PRRC2C: variants seen among roughly 807,000 people sequenced by gnomAD.
PRRC2C encodes proline rich coiled-coil 2C, also known as protein PRRC2C.
Under a neutral mutation model 317.2 loss-of-function variants are expected in PRRC2C, and 72 were observed. The observed-to-expected ratio is 0.23, with a 90% CI of 0.19 to 0.28. PRRC2C has a LOEUF of 0.28. Ranked by LOEUF, PRRC2C falls within the 10% of genes least tolerant of loss-of-function variation. The pLI is 1.00. For synonymous variants in PRRC2C, 1,296 were observed against 1,205.9 expected, an observed-to-expected ratio of 1.07 and a Z score of -1.55; for missense variants, 3,074 against 3,459.7, an observed-to-expected ratio of 0.89 and a Z score of 2.80.
In PRRC2C at chr1:171,579,423, C is replaced by T; in HGVS notation, c.7229C>T (p.Pro2410Leu). 1 of 1,613,878 alleles carries T rather than the reference C, an allele frequency of 6.2e-7. No homozygotes were observed. The highest frequency in any genetic ancestry group is 8.5e-7 in the Non-Finnish European group (1 of 1,179,868). Reference protein sequence around the residue: ...FNTQHARLAPPSLAQQQGFQP... With the variant: ...FNTQHARLAPLSLAQQQGFQP... ...ACCCAACATGCACGATTGGCTCCGC[C>T]ATCCTTGGCTCAACAACAGGGTTTC... Residue 2410 changes from proline to leucine, a missense_variant, in exon 27 of 35, where the codon CCA (proline) becomes CTA (leucine). By Grantham distance (98) the Pro-to-Leu change is moderately conservative. Transcript: ENST00000647382.
chr1:171,529,332 A>G (rs918523672), intron 11 of PRRC2C, among the ~76,000 whole-genome samples: 18 of 152,258 alleles, frequency 1.2e-4, no homozygotes, highest in African/African-American at 3.9e-4. Flanking sequence ...ATATTCAACA[A>G]TCAACTCAAC....
chr1:171,499,973 C>T (rs897370395), intron 1 of PRRC2C, among the ~76,000 whole-genome samples: 4 of 152,148 alleles, frequency 2.6e-5, no homozygotes, highest in Admixed American at 2.0e-4. Flanking sequence ...CACATTATTT[C>T]CTGATTTACA....
chr1:171,533,483 T>G (rs1183493511), intron 12 of PRRC2C, among the ~76,000 whole-genome samples: 1 of 152,198 alleles, frequency 6.6e-6, no homozygotes, highest in African/African-American at 2.4e-5. Context: ...AAAATAAAAT[T>G]CTTTTTCTAG....
intron 25 of PRRC2C, among the ~76,000 whole-genome samples, chr1:171,575,625 G>C (rs1343816782): frequency 1.3e-5 from 2 of 152,156 alleles, no homozygotes; most frequent in Admixed American, 6.5e-5. Context: ...CCCAAAGTTA[G>C]AAGGTGCTTT....
At position 171,592,675 on chromosome 1, in the gene PRRC2C, T is replaced by A. The variant is rs2102919357; in HGVS notation, c.*828T>A. ...TCTTCCTTGCCCCCACTCAGTCATC[T>A]TTGTATGAATCCCATGATTTGGGGG... On this transcript the variant is annotated 3_prime_UTR_variant, in exon 35 of 35. Coordinates refer to ENST00000647382, the MANE Select transcript of PRRC2C (RefSeq NM_001387844.1). 1 of 152,352 alleles carries A rather than the reference T, an allele frequency of 6.6e-6. No homozygotes were observed. The highest frequency in any genetic ancestry group is 2.1e-4 in the South Asian group (1 of 4,828). The allele number at this position is 152,352 out of a possible 1,614,324, so 9.4% of individuals were successfully genotyped here.
rs533741796 is a variant in PRRC2C, at chr1:171,547,087, G to C, written c.4972+1400G>C. 3.3e-5 allele frequency among the ~76,000 whole-genome samples: 5 copies of C among 152,190 alleles called. No homozygotes were observed. The South Asian group carries it at 1.0e-3, about 32-fold the overall frequency. ...AAAAATACAAAATTAGCCAGGCATGGTGGTGCATGCCTGTAAAAACAAAAC... is the reference window on the plus strand; with the variant it reads ...AAAAATACAAAATTAGCCAGGCATGCTGGTGCATGCCTGTAAAAACAAAAC... On this transcript the variant is annotated intron_variant, in intron 17 of 34. Coordinates refer to ENST00000647382, the MANE Select transcript of PRRC2C (RefSeq NM_001387844.1).
Position 171,541,510 on chromosome 1 carries a change from A to G in PRRC2C, c.4044A>G (p.Gly1348=), listed in dbSNP as rs762770861. The G allele has an allele frequency of 4.3e-6, 7 of 1,613,476 alleles. No homozygotes were observed. Among genetic ancestry groups the G allele is most frequent in the African/African-American group, 2.7e-5 (2 of 74,890 alleles). ...AGCCTACAAGGAGAGGCAGAGGGGG[A>G]ACATTCAGGCGTGGTGGAAGGGATC... The part of the protein sequence containing the change: ...KGEPTRRGRG[G]TFRRGGRDPG... The change falls in exon 16 of 35, where the codon GGA becomes GGG. Residue 1348 remains glycine (G), a synonymous_variant. Transcript: ENST00000647382. The surrounding 1 kb of genome is among the most constrained non-coding windows in gnomAD (Gnocchi z 4.1).
intron 1 of PRRC2C, among the ~76,000 whole-genome samples, chr1:171,489,734 G>A (rs377154748): frequency 3.9e-5 from 6 of 152,278 alleles, no homozygotes; most frequent in South Asian, 2.1e-4. Flanking sequence ...TTAAGTGGTA[G>A]AAATGGCATT....
rs1572071637 is a variant in PRRC2C at position 171,571,178 on chromosome 1, T to C, written c.6652-142T>C. On this transcript the variant is annotated intron_variant, in intron 23 of 34. Transcript: ENST00000647382. ...TAATTACCAACTACTATAAACACAATGTGACTCTTAAGTAATCACATATTT... is the reference window on the plus strand; with the variant it reads ...TAATTACCAACTACTATAAACACAACGTGACTCTTAAGTAATCACATATTT... 1.4e-5 allele frequency: 8 copies of C among 558,418 alleles called. No individual in the cohort carries two copies. The East Asian group carries it at 2.3e-4, about 16-fold the overall frequency. The allele number at this position is 558,418 out of a possible 1,614,324, so 34.6% of individuals were successfully genotyped here.
chr1:171,515,923 C>A, intron 5 of PRRC2C, 64 bp downstream of exon 5: 2 of 1,466,746 alleles, frequency 1.4e-6, no homozygotes, highest in South Asian at 1.5e-5. Flanking sequence ...GCAATACAAC[C>A]TCCTGCTTGC....
At chr1:171,565,629 G>A (rs921930971) in intron 20 of PRRC2C, among the ~76,000 whole-genome samples, 1 of 152,142 alleles carries the variant, frequency 6.6e-6, no homozygotes, top group Non-Finnish European at 1.5e-5. Context: ...TGTATTTTTA[G>A]TAGAGACAGA....
chr1:171,552,515 A>G (rs547197372), intron 18 of PRRC2C, among the ~76,000 whole-genome samples: 1 of 152,220 alleles, frequency 6.6e-6, no homozygotes, highest in African/African-American at 2.4e-5. Context: ...TAGGAGTGTT[A>G]AGAGAGGGCA....
intron 15 of PRRC2C, 81 bp downstream of exon 15, chr1:171,537,554 C>A: frequency 8.1e-7 from 1 of 1,238,368 alleles, no homozygotes; most frequent in Non-Finnish European, 1.1e-6. Flanking sequence ...GAAGATCATT[C>A]CAATTTAGGA....
chr1:171,568,451 A>G, intron 23 of PRRC2C, 112 bp downstream of exon 23: 1 of 1,400,734 alleles, frequency 7.1e-7, no homozygotes, highest in Middle Eastern at 2.1e-4. Context: ...ACTCAGGGAA[A>G]GAGTTGATAG....
Position 171,577,570 on chromosome 1 carries a change from C to G in PRRC2C, c.7092C>G (p.Ser2364Arg), listed in dbSNP as rs747973957. 1.9e-6 allele frequency: 3 copies of G among 1,613,656 alleles called. No individual in the cohort carries two copies. The African/African-American group carries it at 4.0e-5, about 22-fold the overall frequency. The change falls in exon 26 of 35, where the codon AGC (serine) becomes AGG (arginine). Residue 2364 changes from serine (S) to arginine (R), a missense_variant. Coordinates refer to ENST00000647382, the MANE Select transcript of PRRC2C (RefSeq NM_001387844.1). ...CTGCAAGTCATTTTTCACAGTTAAG[C>G]TGTATGCCTTCCCTTATTGCCCAGC... is the stretch of plus-strand genomic sequence containing the variant. The part of the protein sequence containing the change: ...LPSASHFSQL[S>R]CMPSLIAQQQ...
intron 3 of PRRC2C, among the ~76,000 whole-genome samples, chr1:171,513,955 C>T (rs1406121373): frequency 1.3e-5 from 2 of 152,106 alleles, no homozygotes; most frequent in Non-Finnish European, 2.9e-5. Context: ...TTTTGTGAGC[C>T]TCTTAACTAC....
In PRRC2C at chr1:171,535,499, A is replaced by C. The variant is rs1676656800; in HGVS notation, c.1945A>C (p.Thr649Pro). 6.2e-7 allele frequency: 1 copy of C among 1,614,012 alleles called. No individual in the cohort carries two copies. Among genetic ancestry groups the C allele is most frequent in the South Asian group, 1.1e-5 (1 of 91,084 alleles). The change falls in exon 13 of 35, where the codon ACA becomes CCA. Residue 649 changes from threonine to proline, a missense_variant. Physicochemically the swap from Thr to Pro is conservative, Grantham distance 38 (BLOSUM62 -1). This residue lies in a region of PRRC2C where 1,320 missense variants were observed against 1,395.7 expected (regional missense o/e 0.95). Transcript: ENST00000647382. ...EKEATPVVHE[T>P]EPESGSQPRP... ...GGAAGCCACACCAGTGGTGCATGAA[A>C]CAGAACCAGAATCAGGGTCTCAACC...
At chr1:171,590,258 C>A (rs1651135317) in intron 34 of PRRC2C, among the ~76,000 whole-genome samples, 1 of 152,144 alleles carries the variant, frequency 6.6e-6, no homozygotes, top group African/African-American at 2.4e-5. Flanking sequence ...CTTTGGGATC[C>A]TTCATGATGA....
At chr1:171,503,094 C>G (rs567577614) in intron 1 of PRRC2C, among the ~76,000 whole-genome samples, 2 of 152,298 alleles carry the variant, frequency 1.3e-5, no homozygotes, top group African/African-American at 2.4e-5. Context: ...AATACTTTAT[C>G]CCTTGGAAAC....
Sources: gnomAD v4.1 joint callset for allele counts (sites outside exome capture counted in the v4.1 genomes callset) on GRCh38, gnomAD v4.1.1 for gene constraint, gnomAD v4.1.1 regional missense constraint, Gnocchi (gnomAD v3.1) non-coding constraint, MANE v1.5 for transcripts, NCBI Gene and HGNC (gene_info 2026-07-23, HGNC 2026-07-21) for gene names.